Variants in MCPH1 observed in about 807,000 individuals in gnomAD.
MCPH1 encodes microcephalin 1.
MCPH1 carries 104 observed loss-of-function variants against 84.5 expected under a neutral mutation model. That is an observed-to-expected ratio of 1.23 (90% CI 1.05 to 1.45). The LOEUF (loss-of-function observed/expected upper bound fraction) is 1.45. Among genes scored for constraint, MCPH1 ranks in the 40% most tolerant of loss-of-function variants. MCPH1 has a pLI of 0.00. For missense variants in MCPH1, 1,498 were observed against 1,005.7 expected, an observed-to-expected ratio of 1.49 and a Z score of -6.62; for synonymous variants, 514 against 366.8, an observed-to-expected ratio of 1.40 and a Z score of -4.58.
chr8:6,558,465 A>G (rs528959182), intron 12 of MCPH1, among the ~76,000 whole-genome samples: 8 of 152,344 alleles, frequency 5.3e-5, no homozygotes, highest in African/African-American at 1.9e-4. Flanking sequence ...GGATTAAAAT[A>G]AGCACCCCAG....
intron 12 of MCPH1, chr8:6,562,905 G>A: frequency 6.3e-7 from 1 of 1,599,412 alleles, no homozygotes. Context: ...CAAGATCACA[G>A]CTCAGAGTAA....
intron 12 of MCPH1, among the ~76,000 whole-genome samples, chr8:6,567,529 G>T (rs947597084): frequency 6.6e-6 from 1 of 152,226 alleles, no homozygotes; most frequent in Non-Finnish European, 1.5e-5. Flanking sequence ...AAGGATGCCA[G>T]GTGGGGAGAG....
intron 9 of MCPH1, 49 bp from the exon 10 acceptor site, chr8:6,477,545 T>G: frequency 6.5e-7 from 1 of 1,542,744 alleles, no homozygotes; most frequent in Non-Finnish European, 8.9e-7. Context: ...GGAAAAATAT[T>G]TTTTATGTTT....
chr8:6,640,091 T>TGTGTGA (rs1554491957), intron 13 of MCPH1, among the ~76,000 whole-genome samples: 286 of 144,934 alleles, frequency 2.0e-3, no homozygotes, highest in African/African-American at 6.8e-3. Context: ...TGTGTGTGTG[T>TGTGTGA]GTGTGTGCGC....
intron 2 of MCPH1, among the ~76,000 whole-genome samples, chr8:6,410,563 A>G (rs775852224): frequency 2.0e-5 from 3 of 152,164 alleles, no homozygotes; most frequent in Non-Finnish European, 2.9e-5. Flanking sequence ...GGTAGCCTCT[A>G]TTTGACTTAA....
At chr8:6,615,285 G>C (rs1830685215) in intron 12 of MCPH1, among the ~76,000 whole-genome samples, 1 of 152,166 alleles carries the variant, frequency 6.6e-6, no homozygotes. Context: ...AATGCCCCAA[G>C]CCTACTCAGG....
At chr8:6,444,248 T>C in intron 7 of MCPH1, 145 bp from the exon 8 acceptor site, 1 of 917,392 alleles carries the variant, frequency 1.1e-6, no homozygotes, top group Non-Finnish European at 1.6e-6. Flanking sequence ...TACCCTTAAG[T>C]GGAAATGAGA....
In MCPH1 at chr8:6,460,250, C is replaced by T. The variant is rs1410197273; in HGVS notation, c.1935+4998C>T. Among the ~76,000 whole-genome samples the T allele has an allele frequency of 6.6e-5, 10 of 152,136 alleles. No individual in the cohort carries two copies. In the East Asian group the frequency reaches 1.9e-3, roughly 29 times the overall value. On this transcript the variant is annotated intron_variant, in intron 9 of 13. Coordinates refer to ENST00000344683, the MANE Select transcript of MCPH1 (RefSeq NM_024596.5). The stretch of plus-strand genomic sequence containing the variant: ...TCTTTCCTCTTGTATCTCCTTATTT[C>T]ATTCTGGATGTCTTCTATTGGTTTC...
intron 12 of MCPH1, among the ~76,000 whole-genome samples, chr8:6,592,641 TTTG>T (rs1554469218): frequency 9.3e-6 from 1 of 107,426 alleles, no homozygotes; most frequent in African/African-American, 3.4e-5. Flanking sequence ...TTTTTTTTTT[TTTG>T]TTGCTGTTGT....
At chr8:6,577,842 T>C (rs1231827085) in intron 12 of MCPH1, among the ~76,000 whole-genome samples, 4 of 152,348 alleles carry the variant, frequency 2.6e-5, no homozygotes, top group Admixed American at 2.6e-4. Context: ...TTAATCTCCC[T>C]ACAGAGCTAA....
At chr8:6,490,707 G>T (rs1810465003) in intron 11 of MCPH1, among the ~76,000 whole-genome samples, 1 of 152,128 alleles carries the variant, frequency 6.6e-6, no homozygotes, top group Non-Finnish European at 1.5e-5. Flanking sequence ...AATTCCAAAT[G>T]AAATGAATTT....
At chr8:6,609,560 A>G (rs1490777999) in intron 12 of MCPH1, among the ~76,000 whole-genome samples, 1 of 152,232 alleles carries the variant, frequency 6.6e-6, no homozygotes, top group African/African-American at 2.4e-5. Flanking sequence ...GTCAGGGGGA[A>G]AAAATACATT....
At chr8:6,611,587 C>G (rs915499279) in intron 12 of MCPH1, among the ~76,000 whole-genome samples, 2 of 152,086 alleles carry the variant, frequency 1.3e-5, no homozygotes, top group Admixed American at 6.6e-5. Flanking sequence ...GTGTTCAACC[C>G]CAAAGCTCCT....
Position 6,512,912 on chromosome 8 carries a change from C to G in MCPH1, c.2214+12983C>G, listed in dbSNP as rs549705235. ...CCCACCTAACTCTGCCATCTCTAAA[C>G]TTGACAACTAATCTTGACTTTGAGA... On this transcript the variant is annotated intron_variant, in intron 12 of 13. Coordinates refer to ENST00000344683, the MANE Select transcript of MCPH1 (RefSeq NM_024596.5). 2.2e-4 allele frequency among the ~76,000 whole-genome samples: 34 copies of G among 152,338 alleles called. No homozygotes were observed. In the South Asian group the frequency reaches 6.6e-3, roughly 30 times the overall value.
Position 6,554,226 on chromosome 8 carries a change from T to A in MCPH1, c.2214+54297T>A, listed in dbSNP as rs533831633. Among the ~76,000 whole-genome samples the A allele has an allele frequency of 6.6e-4, 100 of 150,920 alleles. 1 individual carries two copies. Among genetic ancestry groups the A allele is most frequent in the Non-Finnish European group, 1.2e-3 (79 of 67,840 alleles). ...TCAAGAGTGTTAACATGGGAGTAAG[T>A]GTGACAAATGCCCAGGTGGTCTGGA... On this transcript the variant is annotated intron_variant, in intron 12 of 13. Transcript: ENST00000344683.
chr8:6,583,205 A>G (rs1827698053), intron 12 of MCPH1, among the ~76,000 whole-genome samples: 1 of 151,614 alleles, frequency 6.6e-6, no homozygotes, highest in East Asian at 1.9e-4. Context: ...GCTTTATTTA[A>G]TACTTTGAAG....
intron 12 of MCPH1, chr8:6,563,090 C>T: frequency 1.3e-6 from 1 of 787,044 alleles, no homozygotes; most frequent in Non-Finnish European, 1.9e-6. Context: ...CAGTAGCAAA[C>T]CTGGTTTTTA....
chr8:6,500,941 A>G (rs1038681505), intron 12 of MCPH1: 2 of 152,172 alleles, frequency 1.3e-5, no homozygotes, highest in African/African-American at 4.8e-5. Flanking sequence ...GCGTTTCCCT[A>G]CCTAAGTATC....
chr8:6,615,932 G>A (rs994244109), intron 12 of MCPH1: 2 of 152,148 alleles, frequency 1.3e-5, no homozygotes, highest in Non-Finnish European at 2.9e-5. Context: ...CTGCATTGTG[G>A]ATTCTGAAAT....
Sources: gnomAD v4.1 joint callset for allele counts (sites outside exome capture counted in the v4.1 genomes callset) on GRCh38, gnomAD v4.1.1 for gene constraint, MANE v1.5 for transcripts, NCBI Gene and HGNC (gene_info 2026-07-23, HGNC 2026-07-21) for gene names.